The following LHFPL2 variants were observed in gnomAD, a reference collection of about 807,000 sequenced individuals.
The protein encoded by LHFPL2 is LHFPL tetraspan subfamily member 2 protein.
Under a neutral mutation model 17.5 loss-of-function variants are expected in LHFPL2, and 7 were observed. The ratio of observed to expected loss-of-function variants is 0.40; its 90% CI spans 0.23 to 0.75. LHFPL2 has a LOEUF of 0.75. LHFPL2 is among the 30% of genes least tolerant of loss of function. The pLI is 0.37. For missense variants in LHFPL2, 241 were observed against 294.8 expected, an observed-to-expected ratio of 0.82 and a Z score of 1.34; for synonymous variants, 134 against 116.2, an observed-to-expected ratio of 1.15 and a Z score of -0.99.
intron 2 of LHFPL2, among the ~76,000 whole-genome samples, chr5:78,619,749 T>C (rs570733477): frequency 0.013 from 1,776 of 139,458 alleles, 28 homozygotes; most frequent in African/African-American, 0.044. Context: ...AGTGAGAACA[T>C]GCGGTGTTTG....
chr5:78,510,359 G>C lies in LHFPL2; in HGVS notation c.-146C>G. On this transcript the variant is annotated 5_prime_UTR_variant, in exon 4 of 5. Transcript: ENST00000380345. Reference sequence around the variant, plus strand: ...CGCCGCCGGCCGCGTTCATGCTGGGGACAGCGCTCCCGGACCCAGAGCACC... The same window carrying C: ...CGCCGCCGGCCGCGTTCATGCTGGGCACAGCGCTCCCGGACCCAGAGCACC... 1 of 821,602 alleles carries C rather than the reference G, an allele frequency of 1.2e-6. No individual in the cohort carries two copies. The highest frequency in any genetic ancestry group is 2.9e-5 in the Admixed American group (1 of 33,938). 50.9% of individuals were successfully genotyped at this position (821,602 alleles called of 1,614,324 possible).
intron 2 of LHFPL2, among the ~76,000 whole-genome samples, chr5:78,613,721 A>C (rs541341658): frequency 1.3e-5 from 2 of 152,308 alleles, no homozygotes; most frequent in East Asian, 3.9e-4. Flanking sequence ...ATACTAAAAG[A>C]AAAGCCAGCC....
intron 3 of LHFPL2, among the ~76,000 whole-genome samples, chr5:78,530,885 T>G (rs138648435): frequency 6.6e-6 from 1 of 152,350 alleles, no homozygotes; most frequent in East Asian, 1.9e-4. Context: ...ACTACAAGTT[T>G]ACTCATTTCA....
intron 3 of LHFPL2, among the ~76,000 whole-genome samples, chr5:78,516,516 G>C (rs931128987): frequency 1.3e-5 from 2 of 152,044 alleles, no homozygotes; most frequent in Non-Finnish European, 2.9e-5. Flanking sequence ...AAATTACCTG[G>C]CCCCAAATGT....
At chr5:78,625,152 G>C (rs952071069) in intron 2 of LHFPL2, 14 of 152,000 alleles carry the variant, frequency 9.2e-5, no homozygotes, top group African/African-American at 3.4e-4. Context: ...TCCTACTCCT[G>C]TTGCTACAGT....
chr5:78,647,253 A>G (rs1046372372), intron 1 of LHFPL2, among the ~76,000 whole-genome samples: 55 of 152,224 alleles, frequency 3.6e-4, no homozygotes, highest in African/African-American at 1.3e-3. Flanking sequence ...AAATTTAAAA[A>G]GGAGTAGTTT....
chr5:78,517,162 CA>C (rs755205690), intron 3 of LHFPL2, among the ~76,000 whole-genome samples: 4 of 152,204 alleles, frequency 2.6e-5, no homozygotes, highest in Non-Finnish European at 5.9e-5. Context: ...CCCTCTTAAA[CA>C]TGCTTCTTTT....
intron 3 of LHFPL2, among the ~76,000 whole-genome samples, chr5:78,528,586 C>A (rs1021784622): frequency 6.6e-6 from 1 of 152,192 alleles, no homozygotes; most frequent in African/African-American, 2.4e-5. Flanking sequence ...CATGTTAACT[C>A]ATTACCATGT....
At chr5:78,601,204 C>G (rs1743999142) in intron 2 of LHFPL2, among the ~76,000 whole-genome samples, 1 of 152,156 alleles carries the variant, frequency 6.6e-6, no homozygotes, top group Admixed American at 6.5e-5. Flanking sequence ...TGAGGTGTCA[C>G]TGAGGATGAT....
At chr5:78,565,103 A>G (rs1254935426) in intron 2 of LHFPL2, among the ~76,000 whole-genome samples, 4 of 152,214 alleles carry the variant, frequency 2.6e-5, no homozygotes, top group African/African-American at 7.2e-5. Context: ...CCAGGGGGGA[A>G]TGTCCAGCTT....
chr5:78,529,234 G>A (rs7718160), intron 3 of LHFPL2, among the ~76,000 whole-genome samples: 1,912 of 152,278 alleles, frequency 0.013, 40 homozygotes, highest in African/African-American at 0.042. Context: ...TGCAGTGAGC[G>A]ATGATTGTGC....
At chr5:78,507,664 T>C (rs1471339875) in intron 4 of LHFPL2, among the ~76,000 whole-genome samples, 2 of 152,158 alleles carry the variant, frequency 1.3e-5, no homozygotes, top group Non-Finnish European at 2.9e-5. Flanking sequence ...CACCATCAAG[T>C]TCCTCAGGAT....
At chr5:78,507,678 A>C (rs1754971955) in intron 4 of LHFPL2, among the ~76,000 whole-genome samples, 1 of 152,174 alleles carries the variant, frequency 6.6e-6, no homozygotes, top group South Asian at 2.1e-4. Flanking sequence ...TCAGGATAAG[A>C]AGCACTCCTA....
intron 3 of LHFPL2, among the ~76,000 whole-genome samples, chr5:78,538,345 T>A (rs1756010227): frequency 1.3e-5 from 2 of 152,032 alleles, no homozygotes; most frequent in African/African-American, 4.8e-5. Context: ...AACATTTTTT[T>A]AAATTAATAG....
chr5:78,578,905 T>C (rs1484842705), intron 2 of LHFPL2, among the ~76,000 whole-genome samples: 4 of 152,120 alleles, frequency 2.6e-5, no homozygotes, highest in Non-Finnish European at 5.9e-5. Context: ...AGGTGAGCAA[T>C]GTGGGGGCTC....
intron 2 of LHFPL2, among the ~76,000 whole-genome samples, chr5:78,608,483 T>C (rs1382755343): frequency 1.3e-5 from 2 of 151,790 alleles, no homozygotes; most frequent in African/African-American, 2.4e-5. Flanking sequence ...TCTAGAATAA[T>C]ATATGGGGAA....
At position 78,488,490 on chromosome 5, in the gene LHFPL2, A is replaced by T. The variant is rs575734159; in HGVS notation, c.*407T>A. ...AGGAAAACAAGAACTCCAACCCAAA[A>T]CCCCATTCTGAGGCAGAGATGCTCA... On this transcript the variant is annotated 3_prime_UTR_variant, in exon 5 of 5. Transcript: ENST00000380345. 4.5e-6 allele frequency: 1 copy of T among 222,970 alleles called. No homozygotes were observed. The highest frequency in any genetic ancestry group is 7.4e-5 in the South Asian group (1 of 13,510). 13.8% of individuals were successfully genotyped at this position (222,970 alleles called of 1,614,324 possible). A position where few individuals can be genotyped will look rare whatever the true frequency, so the allele number is the denominator to read the frequency against.
intron 2 of LHFPL2, among the ~76,000 whole-genome samples, chr5:78,612,676 T>C (rs771775755): frequency 9.6e-4 from 147 of 152,332 alleles, no homozygotes; most frequent in Non-Finnish European, 1.9e-3. Context: ...AAAGGCTGCC[T>C]TTCCTTGCCC....
intron 3 of LHFPL2, among the ~76,000 whole-genome samples, chr5:78,512,880 G>C (rs1207925664): frequency 6.6e-6 from 1 of 151,036 alleles, no homozygotes; most frequent in Non-Finnish European, 1.5e-5. Context: ...TCAGCATCCA[G>C]AGCAGCTGGG....
Sources: gnomAD v4.1 joint callset for allele counts (sites outside exome capture counted in the v4.1 genomes callset) on GRCh38, gnomAD v4.1.1 for gene constraint, MANE v1.5 for transcripts, NCBI Gene and HGNC (gene_info 2026-07-23, HGNC 2026-07-21) for gene names.